The following TIRAP variants were observed in gnomAD, a reference collection of about 807,000 sequenced individuals.
TIRAP encodes TIR domain containing adaptor protein, also known as toll/interleukin-1 receptor domain-containing adapter protein.
A neutral mutation model predicts 19.8 loss-of-function variants in TIRAP; 20 were observed. That is an observed-to-expected ratio of 1.01 (90% CI 0.71 to 1.47). The LOEUF is 1.47. TIRAP is among the 40% of genes most tolerant of loss of function. The probability of loss-of-function intolerance (pLI) is 0.00; values close to 1 mark genes in which losing one functional copy is unlikely to be tolerated. For synonymous variants in TIRAP, 125 were observed against 121.7 expected, an observed-to-expected ratio of 1.03 and a Z score of -0.18; for missense variants, 276 against 285.1, an observed-to-expected ratio of 0.97 and a Z score of 0.23.
In TIRAP at chr11:126,294,275, C is replaced by A; in HGVS notation, c.*588C>A. Reference sequence around the variant, plus strand: ...ACTACTCTGTTCCTCTTCCCAGAGACATCGATTCACTTCAAAGAGCTGTAG... The same window carrying A: ...ACTACTCTGTTCCTCTTCCCAGAGAAATCGATTCACTTCAAAGAGCTGTAG... On this transcript the variant is annotated 3_prime_UTR_variant, in exon 5 of 5. Coordinates refer to ENST00000392679, the MANE Select transcript of TIRAP (RefSeq NM_001318777.2). 3.5e-6 allele frequency: 1 copy of A among 288,026 alleles called. No homozygotes were observed. 17.8% of individuals were successfully genotyped at this position (288,026 alleles called of 1,614,324 possible).
chr11:126,292,636 A>G lies in TIRAP; in HGVS notation c.227A>G (p.Asp76Gly), dbSNP rs772224671. Residue 76 changes from aspartate to glycine, a missense_variant, in exon 4 of 5, where the codon GAC (aspartate) becomes GGC (glycine). By Grantham distance (94) the Asp-to-Gly change is moderately conservative. Coordinates refer to ENST00000392679, the MANE Select transcript of TIRAP (RefSeq NM_001318777.2). ...AGCCTGCCACCCACACATGCGAGTG[A>G]CAGTGGCAGTAGTCGCTGGAGCAAA... is the stretch of plus-strand genomic sequence containing the variant. ...SPSLPPTHASDSGSSRWSKDY... is the reference protein window; with the variant it reads ...SPSLPPTHASGSGSSRWSKDY... 2 of 1,614,192 alleles carry G rather than the reference A, an allele frequency of 1.2e-6. No individual in the cohort carries two copies. The highest frequency in any genetic ancestry group is 2.2e-5 in the South Asian group (2 of 91,084).
rs571494023 is a variant in TIRAP, at chr11:126,286,757, CA to C, written c.-217+3605del. On this transcript the variant is annotated intron_variant, in intron 1 of 4. Coordinates refer to ENST00000392679, the MANE Select transcript of TIRAP (RefSeq NM_001318777.2). ...CATTCATTGGCCTGATCTAATCAGACACAGTGTAGTAGTTTCCTATTGCTGC... is the reference window on the plus strand; with the variant it reads ...CATTCATTGGCCTGATCTAATCAGACCAGTGTAGTAGTTTCCTATTGCTGC... 1.2e-3 allele frequency among the ~76,000 whole-genome samples: 186 copies of C among 152,328 alleles called. 1 individual carries two copies. Among genetic ancestry groups the C allele is most frequent in the African/African-American group, 4.3e-3 (177 of 41,572 alleles).
rs1330168427 is a variant in TIRAP at position 126,291,483 on chromosome 11, C to T, written c.67+522C>T. The T allele has an allele frequency of 1.4e-5, 16 of 1,152,152 alleles. 1 individual carries two copies. In the Admixed American group the frequency reaches 3.6e-4, roughly 26 times the overall value. 71.4% of individuals were successfully genotyped at this position (1,152,152 alleles called of 1,614,324 possible). On this transcript the variant is annotated intron_variant, in intron 3 of 4. Coordinates refer to ENST00000392679, the MANE Select transcript of TIRAP (RefSeq NM_001318777.2). This position sits in a 1 kb window ranked among gnomAD's most constrained non-coding sequence, Gnocchi z 5.6. Reference sequence around the variant, plus strand: ...AGAAGAGGCCCGGCTCCCTGACATACCTGACACTGCATTATCTCAGTTAAC... The same window carrying T: ...AGAAGAGGCCCGGCTCCCTGACATATCTGACACTGCATTATCTCAGTTAAC...
intron 3 of TIRAP, among the ~76,000 whole-genome samples, chr11:126,292,215 A>G (rs201078803): frequency 6.6e-6 from 1 of 150,704 alleles, no homozygotes; most frequent in Non-Finnish European, 1.5e-5. Flanking sequence ...GAGGCAGGAG[A>G]ATCGCTTGAA....
rs751490636 is a variant in TIRAP, at chr11:126,292,678, T to C, written c.269T>C (p.Val90Ala). Reference sequence around the variant, plus strand: ...TGGAGCAAAGACTATGACGTCTGCGTGTGCCACAGTGAGGAAGACCTGGTG... The same window carrying C: ...TGGAGCAAAGACTATGACGTCTGCGCGTGCCACAGTGAGGAAGACCTGGTG... Reference protein sequence around the residue: ...SRWSKDYDVCVCHSEEDLVAA... With the variant: ...SRWSKDYDVCACHSEEDLVAA... The change falls in exon 4 of 5, where the codon GTG (valine) becomes GCG (alanine). Residue 90 changes from valine to alanine, a missense_variant. Coordinates refer to ENST00000392679, the MANE Select transcript of TIRAP (RefSeq NM_001318777.2). 8 of 1,614,026 alleles carry C rather than the reference T, an allele frequency of 5.0e-6. No homozygotes were observed. In the East Asian group the frequency reaches 1.8e-4, roughly 36 times the overall value.
At position 126,293,715 on chromosome 11, in the gene TIRAP, A is replaced by T. The variant is rs1184680240; in HGVS notation, c.*28A>T. ...CTTGTTATATCATGGGACCCCGGAAATTGGAGTGAAGCTAGAAACAGAAAA... is the reference window on the plus strand; with the variant it reads ...CTTGTTATATCATGGGACCCCGGAATTTGGAGTGAAGCTAGAAACAGAAAA... On this transcript the variant is annotated 3_prime_UTR_variant, in exon 5 of 5. Transcript: ENST00000392679. 1 of 1,613,956 alleles carries T rather than the reference A, an allele frequency of 6.2e-7. No individual in the cohort carries two copies. Among genetic ancestry groups the T allele is most frequent in the African/African-American group, 1.3e-5 (1 of 75,046 alleles).
rs759272264 is a variant in TIRAP at position 126,287,778 on chromosome 11, G to A, written c.-216-2684G>A. Among the ~76,000 whole-genome samples, 6 of 151,920 alleles carry A rather than the reference G, an allele frequency of 3.9e-5. No homozygotes were observed. The South Asian group carries it at 8.3e-4, about 21-fold the overall frequency. On this transcript the variant is annotated intron_variant, in intron 1 of 4. Coordinates refer to ENST00000392679, the MANE Select transcript of TIRAP (RefSeq NM_001318777.2). The surrounding 1 kb of genome is among the most constrained non-coding windows in gnomAD (Gnocchi z 4.2). ...TTCTTTTCTTTATTTTTTTGAGATC[G>A]AGTCTCGCTCTGTCACCCAGGCTGG...
At chr11:126,285,260 TA>T (rs553242305) in intron 1 of TIRAP, among the ~76,000 whole-genome samples, 1 of 135,462 alleles carries the variant, frequency 7.4e-6, no homozygotes, top group African/African-American at 2.7e-5. Flanking sequence ...TATATATATA[TA>T]ATATATATTT....
chr11:126,290,823 A>T lies in TIRAP; in HGVS notation c.-72A>T. 1 of 1,538,332 alleles carries T rather than the reference A, an allele frequency of 6.5e-7. No homozygotes were observed. On this transcript the variant is annotated 5_prime_UTR_variant, in exon 3 of 5. Transcript: ENST00000392679. This position sits in a 1 kb window ranked among gnomAD's most constrained non-coding sequence, Gnocchi z 4.9. The stretch of plus-strand genomic sequence containing the variant: ...TGTAGGATGGCTGCTCCATGAGGTC[A>T]AGACTGGGTCTCCTCCCTCCTCCCC...
intron 1 of TIRAP, 36 bp downstream of exon 1, chr11:126,283,189 C>T (rs1951275359): frequency 5.2e-6 from 5 of 965,616 alleles, no homozygotes; most frequent in Non-Finnish European, 4.9e-6. Flanking sequence ...GACCGGGAGG[C>T]GCGGCGGGGC....
chr11:126,289,317 T>C (rs544727620), intron 1 of TIRAP, among the ~76,000 whole-genome samples: 6 of 152,338 alleles, frequency 3.9e-5, no homozygotes, highest in African/African-American at 1.4e-4. Flanking sequence ...TCGCTCTTGT[T>C]GCCCAGGCTG....
intron 4 of TIRAP, 194 bp downstream of exon 4, chr11:126,293,249 G>C (rs1951431067): frequency 9.8e-7 from 1 of 1,017,974 alleles, no homozygotes; most frequent in African/African-American, 1.6e-5. Flanking sequence ...CACCCGCTCT[G>C]TGCCTTGGTT....
Position 126,292,764 on chromosome 11 carries a change from C to T in TIRAP, c.355C>T (p.Gln119Ter), listed in dbSNP as rs1240862052. 1 of 1,612,900 alleles carries T rather than the reference C, an allele frequency of 6.2e-7. No homozygotes were observed. The highest frequency in any genetic ancestry group is 8.5e-7 in the Non-Finnish European group (1 of 1,179,714). ...GSTASLRCFL[Q>*]LRDATPGGAI... ...CACTGCCAGCCTGCGCTGCTTCCTGCAACTCCGGGATGCAACCCCAGGCGG... is the reference window on the plus strand; with the variant it reads ...CACTGCCAGCCTGCGCTGCTTCCTGTAACTCCGGGATGCAACCCCAGGCGG... Residue 119 changes from glutamine to a stop codon, truncating the protein, a stop_gained, in exon 4 of 5, where the codon CAA becomes TAA. Transcript: ENST00000392679. LOFTEE classifies it high-confidence loss of function.
chr11:126,283,157 AGCCCGG>A lies in TIRAP; in HGVS notation c.-217+6_-217+11del. ...TCGCAACTGGGCCCGCGCGCAGGTG[AGCCCGG>A]GGCGGGGTCGCGGGGGACCGGGAGG... is the stretch of plus-strand genomic sequence containing the variant. On this transcript the variant is annotated splice_donor_5th_base_variant and intron_variant, in intron 1 of 4. Coordinates refer to ENST00000392679, the MANE Select transcript of TIRAP (RefSeq NM_001318777.2). 1 of 984,302 alleles carries A rather than the reference AGCCCGG, an allele frequency of 1.0e-6. No individual in the cohort carries two copies. The highest frequency in any genetic ancestry group is 1.2e-6 in the Non-Finnish European group (1 of 829,342). The allele number at this position is 984,302 out of a possible 1,614,324, so 61.0% of individuals were successfully genotyped here. A position where few individuals can be genotyped will look rare whatever the true frequency, so the allele number is the denominator to read the frequency against.
At chr11:126,293,533 G>T (rs1163515273) in intron 4 of TIRAP, 135 bp from the exon 5 acceptor site, 29 of 1,034,804 alleles carry the variant, frequency 2.8e-5, no homozygotes, top group Non-Finnish European at 1.1e-5. Flanking sequence ...GCATATAAGT[G>T]TATCTGGGGA....
chr11:126,290,894 T>C lies in TIRAP; in HGVS notation c.-1T>C, dbSNP rs970748208. The C allele has an allele frequency of 6.2e-7, 1 of 1,604,370 alleles. No individual in the cohort carries two copies. The highest frequency in any genetic ancestry group is 1.3e-5 in the African/African-American group (1 of 74,836). On this transcript the variant is annotated 5_prime_UTR_variant, in exon 3 of 5. Coordinates refer to ENST00000392679, the MANE Select transcript of TIRAP (RefSeq NM_001318777.2). This position sits in a 1 kb window ranked among gnomAD's most constrained non-coding sequence, Gnocchi z 4.9. The stretch of plus-strand genomic sequence containing the variant: ...ACGGGGCTAGTTTTGACCCCCACGC[T>C]ATGGCATCATCGACCTCCCTCCCAG...
rs1034064552 is a variant in TIRAP at position 126,292,709 on chromosome 11, C to T, written c.300C>T (p.Ala100=). 6.2e-7 allele frequency: 1 copy of T among 1,613,604 alleles called. No homozygotes were observed. The highest frequency in any genetic ancestry group is 8.5e-7 in the Non-Finnish European group (1 of 1,179,832). The change falls in exon 4 of 5, where the codon GCC becomes GCT. Residue 100 remains alanine, a synonymous_variant. Transcript: ENST00000392679. The part of the protein sequence containing the change: ...VCHSEEDLVA[A]QDLVSYLEGS... The stretch of plus-strand genomic sequence containing the variant: ...ACAGTGAGGAAGACCTGGTGGCCGC[C>T]CAGGACCTGGTCTCCTACTTGGAAG...
Position 126,291,038 on chromosome 11 carries a change from C to G in TIRAP, c.67+77C>G, listed in dbSNP as rs906538180. 13 of 1,487,954 alleles carry G rather than the reference C, an allele frequency of 8.7e-6. No individual in the cohort carries two copies. The highest frequency in any genetic ancestry group is 1.2e-5 in the Non-Finnish European group (13 of 1,106,782). The allele number at this position is 1,487,954 out of a possible 1,614,324, so 92.2% of individuals were successfully genotyped here. The stretch of plus-strand genomic sequence containing the variant: ...GCCTCCATAGGGCGCGGTGGGAGGC[C>G]TGCCTGGTCCAAACTCAGAGAGACG... On this transcript the variant is annotated intron_variant, in intron 3 of 4. Coordinates refer to ENST00000392679, the MANE Select transcript of TIRAP (RefSeq NM_001318777.2). This position sits in a 1 kb window ranked among gnomAD's most constrained non-coding sequence, Gnocchi z 5.6.
chr11:126,284,398 T>A (rs993750381), intron 1 of TIRAP, among the ~76,000 whole-genome samples: 5 of 152,186 alleles, frequency 3.3e-5, no homozygotes, highest in Admixed American at 2.6e-4. Context: ...CACCCATGTT[T>A]AGTTAGCAGT....
Sources: gnomAD v4.1 joint callset for allele counts (sites outside exome capture counted in the v4.1 genomes callset) on GRCh38, gnomAD v4.1.1 for gene constraint, Gnocchi (gnomAD v3.1) non-coding constraint, MANE v1.5 for transcripts, NCBI Gene and HGNC (gene_info 2026-07-23, HGNC 2026-07-21) for gene names.